Variants in B3GALNT2 observed in about 807,000 individuals in gnomAD.
B3GALNT2 encodes the protein beta-1,3-N-acetylgalactosaminyltransferase 2, also known as UDP-GalNAc:beta-1,3-N-acetylgalactosaminyltransferase 2.
B3GALNT2 carries 53 observed loss-of-function variants against 61.1 expected under a neutral mutation model. The ratio of observed to expected loss-of-function variants is 0.87; its 90% CI spans 0.70 to 1.09. B3GALNT2 has a LOEUF of 1.09. B3GALNT2 is among the 50% of genes least tolerant of loss of function. B3GALNT2 has a pLI of 0.00. For synonymous variants in B3GALNT2, 223 were observed against 237.4 expected (o/e 0.94, Z 0.56); for missense variants, 544 against 623.0 (o/e 0.87, Z 1.35).
chr1:235,451,085 A>G (rs1458190825), intron 11 of B3GALNT2: 3 of 152,332 alleles, frequency 2.0e-5, no homozygotes, highest in Admixed American at 6.5e-5. Context: ...TGTGCCTTGA[A>G]GGCAGCTGCT....
intron 7 of B3GALNT2, chr1:235,464,008 T>C (rs1298875331): frequency 1.3e-5 from 2 of 152,226 alleles, no homozygotes; most frequent in Non-Finnish European, 2.9e-5. Context: ...TTTCAACAAA[T>C]GGGTGCTGGG....
At chr1:235,452,780 C>T (rs1682987814) in intron 11 of B3GALNT2, among the ~76,000 whole-genome samples, 1 of 152,136 alleles carries the variant, frequency 6.6e-6, no homozygotes, top group Non-Finnish European at 1.5e-5. Flanking sequence ...TCTTGAACTC[C>T]TGGGCTCAAG....
intron 7 of B3GALNT2, 169 bp downstream of exon 7, chr1:235,465,467 T>C (rs1683643000): frequency 9.4e-7 from 1 of 1,067,998 alleles, no homozygotes; most frequent in Non-Finnish European, 1.3e-6. Context: ...GTGGAGCCGG[T>C]TGTAGAACTC....
At chr1:235,472,604 A>C (rs1012119058) in intron 5 of B3GALNT2, among the ~76,000 whole-genome samples, 2 of 152,236 alleles carry the variant, frequency 1.3e-5, no homozygotes, top group Non-Finnish European at 2.9e-5. Flanking sequence ...TGCCTGATCA[A>C]CCACTGCATC....
rs1685720275 is a variant in B3GALNT2 at position 235,504,122 on chromosome 1, C to CCCGGCCCCAGGACCTCACCTGCAGGG, written c.105_112+18dup. 2 of 1,216,506 alleles carry CCCGGCCCCAGGACCTCACCTGCAGGG rather than the reference C, an allele frequency of 1.6e-6. No individual in the cohort carries two copies. Among genetic ancestry groups the CCCGGCCCCAGGACCTCACCTGCAGGG allele is most frequent in the Non-Finnish European group, 2.0e-6 (2 of 978,620 alleles). 75.4% of individuals were successfully genotyped at this position (1,216,506 alleles called of 1,614,324 possible). A position where few individuals can be genotyped will look rare whatever the true frequency, so the allele number is the denominator to read the frequency against. ...CACCCCCCCGGCGGCCGCCAACCCGCCCGGCCCCAGGACCTCACCTGCAGG... is the reference window on the plus strand; with the variant it reads ...CACCCCCCCGGCGGCCGCCAACCCGCCCGGCCCCAGGACCTCACCTGCAGGGCCGGCCCCAGGACCTCACCTGCAGG... On this transcript the variant is annotated intron_variant, in intron 1 of 11. Coordinates refer to ENST00000366600, the MANE Select transcript of B3GALNT2 (RefSeq NM_152490.5).
At chr1:235,503,745 G>A (rs889387369) in intron 1 of B3GALNT2, among the ~76,000 whole-genome samples, 9 of 144,642 alleles carry the variant, frequency 6.2e-5, no homozygotes, top group African/African-American at 2.0e-4. Context: ...AACAACTTGG[G>A]GGGGAAGAAA....
chr1:235,492,354 C>A (rs143711794), intron 2 of B3GALNT2, among the ~76,000 whole-genome samples: 1 of 151,970 alleles, frequency 6.6e-6, no homozygotes, highest in African/African-American at 2.4e-5. Context: ...TTACTGTGTC[C>A]CAGGAAGGTG....
At chr1:235,453,669 ACTC>A (rs1377822819) in intron 10 of B3GALNT2, among the ~76,000 whole-genome samples, 1 of 151,722 alleles carries the variant, frequency 6.6e-6, no homozygotes. Context: ...CTGGTTTTGA[ACTC>A]CTAACCTCAC....
chr1:235,444,822 G>A (rs1396592560), downstream of B3GALNT2, among the ~76,000 whole-genome samples: 1 of 152,268 alleles, frequency 6.6e-6, no homozygotes, highest in Non-Finnish European at 1.5e-5. Flanking sequence ...ATTTGCTCAA[G>A]AATATTGTCA....
intron 5 of B3GALNT2, among the ~76,000 whole-genome samples, chr1:235,475,957 T>C (rs1045553560): frequency 2.0e-5 from 3 of 152,106 alleles, no homozygotes; most frequent in Non-Finnish European, 4.4e-5. Context: ...CCCAAAGTGC[T>C]GGGAGGATAA....
At chr1:235,459,450 C>T (rs528835423) in intron 7 of B3GALNT2, among the ~76,000 whole-genome samples, 1 of 152,100 alleles carries the variant, frequency 6.6e-6, no homozygotes, top group South Asian at 2.1e-4. Flanking sequence ...TAGGGAGACC[C>T]CATCTCTAAA....
chr1:235,484,712 T>C, intron 3 of B3GALNT2, 197 bp from the exon 4 acceptor site: 1 of 988,534 alleles, frequency 1.0e-6, no homozygotes, highest in South Asian at 2.2e-5. Flanking sequence ...AAGAATAAAG[T>C]TTTCAGCCAC....
chr1:235,493,158 G>A (rs746989125), intron 2 of B3GALNT2, among the ~76,000 whole-genome samples: 4 of 152,178 alleles, frequency 2.6e-5, no homozygotes, highest in Non-Finnish European at 5.9e-5. Context: ...GATGGCAGTG[G>A]TAAAGGTGGT....
chr1:235,489,001 G>T (rs1406648397), intron 3 of B3GALNT2, among the ~76,000 whole-genome samples, 167 bp downstream of exon 3: 1 of 152,152 alleles, frequency 6.6e-6, no homozygotes, highest in African/African-American at 2.4e-5. Flanking sequence ...AGTGAGCCAT[G>T]ACTATGCCAC....
intron 5 of B3GALNT2, among the ~76,000 whole-genome samples, chr1:235,472,676 T>C (rs1684056845): frequency 6.6e-6 from 1 of 152,168 alleles, no homozygotes; most frequent in Non-Finnish European, 1.5e-5. Context: ...ATAAATAATG[T>C]TGAACTAAAA....
chr1:235,483,537 C>T (rs1008401189), intron 4 of B3GALNT2, among the ~76,000 whole-genome samples: 5 of 151,954 alleles, frequency 3.3e-5, no homozygotes, highest in Non-Finnish European at 7.4e-5. Context: ...TCTGGGAGGC[C>T]GAGAAGGGCA....
chr1:235,455,975 A>G (rs1683151704), intron 8 of B3GALNT2, among the ~76,000 whole-genome samples: 1 of 152,190 alleles, frequency 6.6e-6, no homozygotes, highest in Non-Finnish European at 1.5e-5. Context: ...GTTCAAACAA[A>G]TGCTTCTTAG....
chr1:235,485,227 G>A (rs1403554617), intron 3 of B3GALNT2, among the ~76,000 whole-genome samples: 1 of 152,164 alleles, frequency 6.6e-6, no homozygotes, highest in East Asian at 1.9e-4. Flanking sequence ...GCAGATCCAG[G>A]AATCAAGTCC....
At chr1:235,502,733 C>T (rs978082450) in intron 1 of B3GALNT2, among the ~76,000 whole-genome samples, 2 of 152,108 alleles carry the variant, frequency 1.3e-5, no homozygotes, top group African/African-American at 4.8e-5. Context: ...TTACTGAACC[C>T]TAAACAACCA....
Sources: allele counts gnomAD v4.1 joint callset (sites outside exome capture counted in the v4.1 genomes callset), GRCh38; gene constraint gnomAD v4.1.1; transcripts MANE v1.5; gene names NCBI Gene and HGNC (gene_info 2026-07-23, HGNC 2026-07-21).